CADPS2: variants seen among roughly 807,000 people sequenced by gnomAD.
The protein encoded by CADPS2 is calcium-dependent secretion activator 2.
In CADPS2, 93 loss-of-function variants were observed where a neutral mutation model predicts 172.5. The ratio of observed to expected loss-of-function variants is 0.54; its 90% CI spans 0.46 to 0.64. The LOEUF is 0.64. Ranked by LOEUF, CADPS2 falls within the 30% of genes least tolerant of loss-of-function variation. The probability of loss-of-function intolerance (pLI) is 0.00; values close to 1 mark genes in which losing one functional copy is unlikely to be tolerated. For missense variants in CADPS2, 1,420 were observed against 1,565.9 expected, an observed-to-expected ratio of 0.91 and a Z score of 1.57; for synonymous variants, 546 against 555.2, an observed-to-expected ratio of 0.98 and a Z score of 0.23.
chr7:122,680,137 C>A (rs1299035541), intron 2 of CADPS2, among the ~76,000 whole-genome samples: 1 of 151,942 alleles, frequency 6.6e-6, no homozygotes, highest in East Asian at 1.9e-4. Flanking sequence ...TCTTGGCACA[C>A]AAAAAAAGTA....
At chr7:122,766,504 C>T (rs1187404227) in intron 1 of CADPS2, among the ~76,000 whole-genome samples, 1 of 152,074 alleles carries the variant, frequency 6.6e-6, no homozygotes, top group Admixed American at 6.6e-5. Flanking sequence ...ACCTGTTACC[C>T]AGCCCTAAAA....
chr7:122,783,066 G>A (rs1298564519), intron 1 of CADPS2, among the ~76,000 whole-genome samples: 2 of 151,712 alleles, frequency 1.3e-5, no homozygotes, highest in Non-Finnish European at 2.9e-5. Flanking sequence ...CAAAAAATTA[G>A]CCGGGCGTGG....
intron 7 of CADPS2, among the ~76,000 whole-genome samples, chr7:122,558,660 A>G (rs2065330308): frequency 6.6e-6 from 1 of 152,194 alleles, no homozygotes; most frequent in African/African-American, 2.4e-5. Context: ...AGGAGGAAAA[A>G]CTAAGACTTA....
At chr7:122,641,087 A>AT (rs564402048) in intron 3 of CADPS2, among the ~76,000 whole-genome samples, 43 of 149,608 alleles carry the variant, frequency 2.9e-4, no homozygotes, top group Middle Eastern at 3.5e-3. Context: ...TTTTAATGTC[A>AT]TTTTTTTTTT....
intron 17 of CADPS2, among the ~76,000 whole-genome samples, chr7:122,433,886 C>A (rs796364783): frequency 7.2e-5 from 11 of 152,240 alleles, no homozygotes; most frequent in African/African-American, 2.6e-4. Flanking sequence ...TTAAGGAGAT[C>A]AGGCAACTCT....
chr7:122,769,705 T>C (rs2093655011), intron 1 of CADPS2, among the ~76,000 whole-genome samples: 1 of 152,192 alleles, frequency 6.6e-6, no homozygotes. Context: ...CCTTCACCTC[T>C]TGTTCAGGGG....
Position 122,491,361 on chromosome 7 carries a change from T to C in CADPS2, c.1602A>G (p.Glu534=). The C allele has an allele frequency of 6.2e-7, 1 of 1,612,230 alleles. No homozygotes were observed. Among genetic ancestry groups the C allele is most frequent in the South Asian group, 1.1e-5 (1 of 90,754 alleles). Residue 534 remains glutamate (E), a synonymous_variant, in exon 10 of 30, where the codon GAA becomes GAG. Coordinates refer to ENST00000449022, the MANE Select transcript of CADPS2 (RefSeq NM_017954.11). ...CAGTATAGCCTTCAAGCTGCATTAA[T>C]TCTTGTGGTTCAGACTTCTTTTCTC... ...SYREKKSEPQ[E]LMQLEGYTVD... is the part of the protein sequence containing the mutation.
chr7:122,436,350 T>C, intron 17 of CADPS2: 1 of 1,273,858 alleles, frequency 7.9e-7, no homozygotes, highest in Non-Finnish European at 1.0e-6. Flanking sequence ...CATGCAGAAA[T>C]ATTAATTACC....
At chr7:122,696,694 G>T (rs560347744) in intron 2 of CADPS2, among the ~76,000 whole-genome samples, 9 of 152,244 alleles carry the variant, frequency 5.9e-5, no homozygotes, top group African/African-American at 2.2e-4. Context: ...ATGCTGAACT[G>T]TAATAATAAA....
At chr7:122,645,115 A>C (rs1172219692) in intron 3 of CADPS2, among the ~76,000 whole-genome samples, 1 of 151,540 alleles carries the variant, frequency 6.6e-6, no homozygotes, top group Non-Finnish European at 1.5e-5. Flanking sequence ...CAAGAACATA[A>C]GAAGTTTAAC....
At chr7:122,466,364 A>G (rs1251635442) in intron 14 of CADPS2, among the ~76,000 whole-genome samples, 1 of 152,190 alleles carries the variant, frequency 6.6e-6, no homozygotes, top group Admixed American at 6.5e-5. Flanking sequence ...ATCCTGGATG[A>G]CGGGGTTCTA....
intron 17 of CADPS2, among the ~76,000 whole-genome samples, chr7:122,421,731 G>A (rs757220060): frequency 1.1e-4 from 17 of 152,182 alleles, no homozygotes; most frequent in African/African-American, 4.1e-4. Flanking sequence ...AAGAAGATCT[G>A]TTATAAAGTC....
At chr7:122,467,804 G>T (rs1014626202) in intron 14 of CADPS2, among the ~76,000 whole-genome samples, 41 of 152,288 alleles carry the variant, frequency 2.7e-4, no homozygotes, top group African/African-American at 9.4e-4. Context: ...TTTGCCCTAT[G>T]AAGCATTGTC....
intron 8 of CADPS2, among the ~76,000 whole-genome samples, chr7:122,518,765 C>T (rs181841469): frequency 2.0e-5 from 3 of 151,926 alleles, no homozygotes; most frequent in Non-Finnish European, 2.9e-5. Flanking sequence ...ACACATTTAA[C>T]TGGGTTTTAT....
intron 7 of CADPS2, 41 bp from the exon 8 acceptor site, chr7:122,554,730 G>C: frequency 6.5e-7 from 1 of 1,535,142 alleles, no homozygotes; most frequent in Non-Finnish European, 8.8e-7. Flanking sequence ...GCATGATACG[G>C]AGTGTCTATG....
At chr7:122,702,364 G>C (rs1251132906) in intron 2 of CADPS2, 1 of 1,613,818 alleles carries the variant, frequency 6.2e-7, no homozygotes, top group Non-Finnish European at 8.5e-7. Flanking sequence ...GATAGTTGTA[G>C]ATGATCACCC....
chr7:122,430,144 A>G (rs2049701488), intron 17 of CADPS2, among the ~76,000 whole-genome samples: 1 of 152,156 alleles, frequency 6.6e-6, no homozygotes, highest in African/African-American at 2.4e-5. Context: ...AAACCTGGGA[A>G]CCTGGCAACT....
At chr7:122,645,542 T>TTA (rs1177936721) in intron 3 of CADPS2, among the ~76,000 whole-genome samples, 2 of 122,076 alleles carry the variant, frequency 1.6e-5, no homozygotes, top group African/African-American at 6.0e-5. Flanking sequence ...ATATATATAC[T>TTA]TATATATATA....
chr7:122,751,252 C>A (rs1373201270), intron 1 of CADPS2, among the ~76,000 whole-genome samples: 2 of 152,078 alleles, frequency 1.3e-5, no homozygotes, highest in Admixed American at 1.3e-4. Context: ...GTGCTAGGCG[C>A]TTCCTAAGAG....
Sources: allele counts gnomAD v4.1 joint callset (sites outside exome capture counted in the v4.1 genomes callset), GRCh38; gene constraint gnomAD v4.1.1; transcripts MANE v1.5; gene names NCBI Gene and HGNC (gene_info 2026-07-23, HGNC 2026-07-21).